Variants in KIRREL3 observed in about 807,000 individuals in gnomAD.
KIRREL3 encodes kin of IRRE-like protein 3.
Under a neutral mutation model 89.7 loss-of-function variants are expected in KIRREL3, and 36 were observed. The ratio of observed to expected loss-of-function variants is 0.40; its 90% confidence interval spans 0.31 to 0.53. KIRREL3 has a LOEUF of 0.53. Ranked by LOEUF, KIRREL3 falls within the 20% of genes least tolerant of loss-of-function variation. The pLI is 0.49. For synonymous variants in KIRREL3, 445 were observed against 441.4 expected (o/e 1.01, Z -0.10); for missense variants, 864 against 1,056.6 (o/e 0.82, Z 2.53).
At chr11:126,743,034 G>C (rs1329693946) in intron 1 of KIRREL3, among the ~76,000 whole-genome samples, 2 of 152,214 alleles carry the variant, frequency 1.3e-5, no homozygotes, top group African/African-American at 2.4e-5. Flanking sequence ...TCAGAGAGAA[G>C]AGACAGGAAA....
In KIRREL3 at chr11:126,948,348, A is replaced by G. The variant is rs1267080715; in HGVS notation, c.55+52107T>C. Among the ~76,000 whole-genome samples, 1 of 152,168 alleles carries G rather than the reference A, an allele frequency of 6.6e-6. No individual in the cohort carries two copies. The highest frequency in any genetic ancestry group is 2.4e-5 in the African/African-American group (1 of 41,454). On this transcript the variant is annotated intron_variant, in intron 1 of 16. Transcript: ENST00000525144. This position sits in a 1 kb window ranked among gnomAD's most constrained non-coding sequence, Gnocchi z 4.5. ...CAACTTTATAGAGGGATCTCAGTAC[A>G]ACGGAGAACTCAGGGGAACCTAGGT...
intron 1 of KIRREL3, among the ~76,000 whole-genome samples, chr11:126,941,708 C>T (rs181766640): frequency 3.9e-5 from 6 of 152,350 alleles, no homozygotes; most frequent in Admixed American, 6.5e-5. Flanking sequence ...TTGCAACTCT[C>T]GCAGTCTTCC....
At chr11:126,435,431 C>A in intron 12 of KIRREL3, 128 bp from the exon 13 acceptor site, 1 of 886,362 alleles carries the variant, frequency 1.1e-6, no homozygotes. Flanking sequence ...CTGGGACCCC[C>A]CAACAGATCC....
chr11:126,815,314 G>T (rs1330658311), intron 1 of KIRREL3, among the ~76,000 whole-genome samples: 1 of 152,122 alleles, frequency 6.6e-6, no homozygotes, highest in Non-Finnish European at 1.5e-5. Flanking sequence ...CAAGCCTAGT[G>T]AATGAGTCAC....
In KIRREL3 at chr11:126,489,911, G is replaced by A. The variant is rs556449605; in HGVS notation, c.434-16445C>T. On this transcript the variant is annotated intron_variant, in intron 4 of 16. Transcript: ENST00000525144. This position sits in a 1 kb window ranked among gnomAD's most constrained non-coding sequence, Gnocchi z 5.5. ...CTGGGATCAGTCCGGGTTAAAATAC[G>A]TGGGTCTCAGCTCAGATCTCCATCC... Among the ~76,000 whole-genome samples, 7 of 152,236 alleles carry A rather than the reference G, an allele frequency of 4.6e-5. No homozygotes were observed. The South Asian group carries it at 1.5e-3, about 32-fold the overall frequency.
At chr11:126,936,920 A>G (rs1032214035) in intron 1 of KIRREL3, 5 of 152,246 alleles carry the variant, frequency 3.3e-5, no homozygotes, top group Admixed American at 2.0e-4. Flanking sequence ...TTATACCTCA[A>G]TAAAGCTGTT....
Position 126,912,035 on chromosome 11 carries a change from G to T in KIRREL3, c.55+88420C>A, listed in dbSNP as rs1179041093. On this transcript the variant is annotated intron_variant, in intron 1 of 16. Coordinates refer to ENST00000525144, the MANE Select transcript of KIRREL3 (RefSeq NM_032531.4). The surrounding 1 kb of genome is among the most constrained non-coding windows in gnomAD (Gnocchi z 4.7). ...CAACTGGGATGACTCAGTAGAGACTGGGAAGGAAGCCCTGCAGAGAAGCTG... is the reference window on the plus strand; with the variant it reads ...CAACTGGGATGACTCAGTAGAGACTTGGAAGGAAGCCCTGCAGAGAAGCTG... 1.3e-5 allele frequency among the ~76,000 whole-genome samples: 2 copies of T among 150,988 alleles called. No homozygotes were observed. The highest frequency in any genetic ancestry group is 4.9e-5 in the African/African-American group (2 of 41,038).
rs375947447 is a variant in KIRREL3 at position 126,640,334 on chromosome 11, A to G, written c.56-77422T>C. On this transcript the variant is annotated intron_variant, in intron 1 of 16. Coordinates refer to ENST00000525144, the MANE Select transcript of KIRREL3 (RefSeq NM_032531.4). The surrounding 1 kb of genome is among the most constrained non-coding windows in gnomAD (Gnocchi z 4.9). Reference sequence around the variant, plus strand: ...AGGTTGTCAAGACTAACTGAACACAACACACACACAGACGCGCGTGTGCGC... The same window carrying G: ...AGGTTGTCAAGACTAACTGAACACAGCACACACACAGACGCGCGTGTGCGC... 6.6e-6 allele frequency among the ~76,000 whole-genome samples: 1 copy of G among 152,036 alleles called. No individual in the cohort carries two copies. The highest frequency in any genetic ancestry group is 1.5e-5 in the Non-Finnish European group (1 of 68,000).
rs1841020191 is a variant in KIRREL3, at chr11:126,624,399, A to AC, written c.56-61488dup. ...TTAGAACACGAAGCATGAATCACTT[A>AC]CACCAGAGATGAGAAAAGCACCATC... On this transcript the variant is annotated intron_variant, in intron 1 of 16. Coordinates refer to ENST00000525144, the MANE Select transcript of KIRREL3 (RefSeq NM_032531.4). This position sits in a 1 kb window ranked among gnomAD's most constrained non-coding sequence, Gnocchi z 6.0. Among the ~76,000 whole-genome samples, 1 of 151,140 alleles carries AC rather than the reference A, an allele frequency of 6.6e-6. No homozygotes were observed. The highest frequency in any genetic ancestry group is 2.4e-5 in the African/African-American group (1 of 41,442).
chr11:126,674,416 A>C (rs1946095780), intron 1 of KIRREL3, among the ~76,000 whole-genome samples: 1 of 152,230 alleles, frequency 6.6e-6, no homozygotes, highest in South Asian at 2.1e-4. Flanking sequence ...GAGGTAGCAT[A>C]AACAAAGGGC....
At chr11:126,494,407 C>G (rs1445464661) in intron 4 of KIRREL3, among the ~76,000 whole-genome samples, 1 of 152,172 alleles carries the variant, frequency 6.6e-6, no homozygotes, top group Non-Finnish European at 1.5e-5. Context: ...TTAAAGAATA[C>G]TTTAAAAATA....
At chr11:126,963,868 C>G (rs918962794) in intron 1 of KIRREL3, among the ~76,000 whole-genome samples, 2 of 152,134 alleles carry the variant, frequency 1.3e-5, no homozygotes, top group African/African-American at 4.8e-5. Context: ...TTTCCTCAGC[C>G]CAGCCAGGAT....
In KIRREL3 at chr11:126,754,460, TA is replaced by T. The variant is rs1949429122; in HGVS notation, c.56-191549del. On this transcript the variant is annotated intron_variant, in intron 1 of 16. Coordinates refer to ENST00000525144, the MANE Select transcript of KIRREL3 (RefSeq NM_032531.4). The surrounding 1 kb of genome is among the most constrained non-coding windows in gnomAD (Gnocchi z 5.1). ...GCCTGGTTGAAGGGCTTTCTTTTGA[TA>T]ATGCTAATTAACATGCACAGAAAAT... 6.6e-6 allele frequency among the ~76,000 whole-genome samples: 1 copy of T among 152,198 alleles called. No individual in the cohort carries two copies. The highest frequency in any genetic ancestry group is 2.4e-5 in the African/African-American group (1 of 41,438).
chr11:126,880,158 C>T (rs188981543), intron 1 of KIRREL3, among the ~76,000 whole-genome samples: 5 of 152,246 alleles, frequency 3.3e-5, no homozygotes, highest in Non-Finnish European at 5.9e-5. Flanking sequence ...ACCTTGGGTG[C>T]GGCTGTAAGT....
Position 126,588,497 on chromosome 11 carries a change from G to T in KIRREL3, c.56-25585C>A, listed in dbSNP as rs1941979347. On this transcript the variant is annotated intron_variant, in intron 1 of 16. Coordinates refer to ENST00000525144, the MANE Select transcript of KIRREL3 (RefSeq NM_032531.4). ...AGCGACCTGGAGGGGTTTGGGTGGA[G>T]CCTTGCTGCGGGCCCTGAGGCAGGG... Among the ~76,000 whole-genome samples, 5 of 152,302 alleles carry T rather than the reference G, an allele frequency of 3.3e-5. No individual in the cohort carries two copies. The South Asian group carries it at 1.0e-3, about 32-fold the overall frequency.
At position 126,495,577 on chromosome 11, in the gene KIRREL3, C is replaced by G. The variant is rs1362332767; in HGVS notation, c.434-22111G>C. On this transcript the variant is annotated intron_variant, in intron 4 of 16. Transcript: ENST00000525144. The surrounding 1 kb of genome is among the most constrained non-coding windows in gnomAD (Gnocchi z 6.5). Reference sequence around the variant, plus strand: ...TATACCTGGCCTTCCTCCTCCGGGTCTAGCGCCACCCCAGCAGCAGATGCC... The same window carrying G: ...TATACCTGGCCTTCCTCCTCCGGGTGTAGCGCCACCCCAGCAGCAGATGCC... 6.6e-6 allele frequency among the ~76,000 whole-genome samples: 1 copy of G among 152,162 alleles called. No individual in the cohort carries two copies. The highest frequency in any genetic ancestry group is 6.5e-5 in the Admixed American group (1 of 15,284).
Position 126,516,509 on chromosome 11 carries a change from G to A in KIRREL3, c.433+4806C>T, listed in dbSNP as rs1958413836. ...CCGCCTTCTCTCTGCCAGAATGCAAGCTCCACCAGGGCAAGGATGGTTTTC... is the reference window on the plus strand; with the variant it reads ...CCGCCTTCTCTCTGCCAGAATGCAAACTCCACCAGGGCAAGGATGGTTTTC... On this transcript the variant is annotated intron_variant, in intron 4 of 16. Coordinates refer to ENST00000525144, the MANE Select transcript of KIRREL3 (RefSeq NM_032531.4). The surrounding 1 kb of genome is among the most constrained non-coding windows in gnomAD (Gnocchi z 4.9). 6.6e-6 allele frequency among the ~76,000 whole-genome samples: 1 copy of A among 152,172 alleles called. No individual in the cohort carries two copies.
At position 126,694,374 on chromosome 11, in the gene KIRREL3, C is replaced by A. The variant is rs1338439690; in HGVS notation, c.56-131462G>T. Among the ~76,000 whole-genome samples, 1 of 152,094 alleles carries A rather than the reference C, an allele frequency of 6.6e-6. No homozygotes were observed. Among genetic ancestry groups the A allele is most frequent in the Non-Finnish European group, 1.5e-5 (1 of 68,012 alleles). ...GAGCGTGCACCGGAGTTGTGTCTCC[C>A]CTGGCTGTGGGGCTGTCTGGACTGG... On this transcript the variant is annotated intron_variant, in intron 1 of 16. Coordinates refer to ENST00000525144, the MANE Select transcript of KIRREL3 (RefSeq NM_032531.4). The surrounding 1 kb of genome is among the most constrained non-coding windows in gnomAD (Gnocchi z 4.4).
intron 2 of KIRREL3, among the ~76,000 whole-genome samples, chr11:126,540,281 C>G (rs1385329123): frequency 6.6e-6 from 1 of 152,216 alleles, no homozygotes; most frequent in Non-Finnish European, 1.5e-5. Context: ...AGAAATTGCA[C>G]TAGAATTTTA....
Sources: allele counts gnomAD v4.1 joint callset (sites outside exome capture counted in the v4.1 genomes callset), GRCh38; gene constraint gnomAD v4.1.1; non-coding constraint Gnocchi (gnomAD v3.1); transcripts MANE v1.5; gene names NCBI Gene and HGNC (gene_info 2026-07-23, HGNC 2026-07-21).